Variants in TADA2A observed in about 807,000 individuals in gnomAD.
TADA2A encodes transcriptional adaptor 2A.
A neutral mutation model predicts 67.4 loss-of-function variants in TADA2A; 38 were observed. That is an observed-to-expected ratio of 0.56 (90% CI 0.44 to 0.74). The LOEUF (loss-of-function observed/expected upper bound fraction) is 0.74, where lower values mean the gene tolerates loss of function less well. Ranked by LOEUF, TADA2A falls within the 30% of genes least tolerant of loss-of-function variation. The pLI, the probability that TADA2A is intolerant of heterozygous loss-of-function variation, is 0.00. For missense variants in TADA2A, 454 were observed against 547.0 expected (o/e 0.83, Z 1.70); for synonymous variants, 192 against 181.6 (o/e 1.06, Z -0.46).
chr17:37,459,572 C>T (rs778322474), intron 9 of TADA2A, among the ~76,000 whole-genome samples: 60 of 148,256 alleles, frequency 4.0e-4, no homozygotes, highest in African/African-American at 1.2e-3. Flanking sequence ...CGTGAGCCAC[C>T]GTGTTCAACC....
intron 13 of TADA2A, 29 bp from the exon 14 acceptor site, chr17:37,471,065 T>C: frequency 6.2e-7 from 1 of 1,613,936 alleles, no homozygotes; most frequent in Non-Finnish European, 8.5e-7. Context: ...TGATATGACC[T>C]AAGTTTAAAT....
chr17:37,430,033 A>G (rs1177563093), intron 4 of TADA2A, among the ~76,000 whole-genome samples: 1 of 152,224 alleles, frequency 6.6e-6, no homozygotes. Flanking sequence ...ATTCATTCAC[A>G]TTGTGAAATA....
At chr17:37,448,761 C>T (rs1318413087) in intron 8 of TADA2A, among the ~76,000 whole-genome samples, 3 of 152,198 alleles carry the variant, frequency 2.0e-5, no homozygotes, top group East Asian at 3.8e-4. Context: ...TCTGTGTTTC[C>T]AGTACTTCTC....
At chr17:37,438,589 C>T (rs1295249564) in intron 5 of TADA2A, among the ~76,000 whole-genome samples, 3 of 152,176 alleles carry the variant, frequency 2.0e-5, no homozygotes, top group African/African-American at 4.8e-5. Context: ...TCAGAATAAA[C>T]TCTGCTGCCT....
chr17:37,411,683 G>A (rs2051876709), intron 2 of TADA2A, among the ~76,000 whole-genome samples: 1 of 151,704 alleles, frequency 6.6e-6, no homozygotes, highest in Non-Finnish European at 1.5e-5. Flanking sequence ...ACCCACCTCG[G>A]CCTCCCAAAG....
At chr17:37,466,762 A>G (rs538397085) in intron 11 of TADA2A, among the ~76,000 whole-genome samples, 3 of 152,194 alleles carry the variant, frequency 2.0e-5, no homozygotes, top group African/African-American at 7.2e-5. Context: ...TGGATTGTCC[A>G]GGCTCTTCCT....
intron 10 of TADA2A, among the ~76,000 whole-genome samples, chr17:37,463,953 A>C (rs1031179469): frequency 6.6e-6 from 1 of 151,952 alleles, no homozygotes; most frequent in African/African-American, 2.4e-5. Flanking sequence ...ACTCCGTCTC[A>C]AAAAAAATAA....
chr17:37,420,120 G>A lies in TADA2A; in HGVS notation c.26-3389G>A, dbSNP rs929316758. 4.1e-5 allele frequency among the ~76,000 whole-genome samples: 6 copies of A among 146,532 alleles called. 2 individuals carry two copies. The highest frequency in any genetic ancestry group is 1.4e-4 in the Admixed American group (2 of 14,524). ...TATCTAACAGGAAGTGAGGAAGAGGGTAACTTGGTAGAAGTTGGCACCTGT... is the reference window on the plus strand; with the variant it reads ...TATCTAACAGGAAGTGAGGAAGAGGATAACTTGGTAGAAGTTGGCACCTGT... On this transcript the variant is annotated intron_variant, in intron 2 of 15. Coordinates refer to ENST00000615182, the MANE Select transcript of TADA2A (RefSeq NM_001166105.3).
At chr17:37,450,451 ATGT>A (rs544817185) in intron 8 of TADA2A, 1 of 152,238 alleles carries the variant, frequency 6.6e-6, no homozygotes, top group Non-Finnish European at 1.5e-5. Flanking sequence ...AAACAGAAAC[ATGT>A]TGTTAGCTAT....
intron 3 of TADA2A, 83 bp downstream of exon 3, chr17:37,423,698 C>A: frequency 3.0e-6 from 3 of 1,003,642 alleles, no homozygotes; most frequent in Non-Finnish European, 4.5e-6. Flanking sequence ...CTGTCAACTG[C>A]TAAGGAGATC....
chr17:37,417,998 T>C (rs1375215921), intron 2 of TADA2A, among the ~76,000 whole-genome samples: 1 of 152,222 alleles, frequency 6.6e-6, no homozygotes, highest in Non-Finnish European at 1.5e-5. Flanking sequence ...AAGTACTAGA[T>C]ACTTGAACCC....
intron 2 of TADA2A, among the ~76,000 whole-genome samples, chr17:37,415,169 A>AC (rs1247502696): frequency 6.6e-6 from 1 of 152,142 alleles, no homozygotes; most frequent in Non-Finnish European, 1.5e-5. Flanking sequence ...GGCACAAGCC[A>AC]CCGTGCCTGG....
chr17:37,413,158 C>G (rs879438451), intron 2 of TADA2A, among the ~76,000 whole-genome samples: 3 of 152,112 alleles, frequency 2.0e-5, no homozygotes, highest in Non-Finnish European at 4.4e-5. Context: ...AACTCCTGAC[C>G]TCAGGTGATC....
intron 8 of TADA2A, among the ~76,000 whole-genome samples, chr17:37,453,944 G>T (rs1366143092): frequency 1.1e-4 from 17 of 151,328 alleles, no homozygotes; most frequent in Non-Finnish European, 1.9e-4. Flanking sequence ...CTAATTTTTT[G>T]TATTTTTTAG....
At chr17:37,423,882 T>C (rs2052323851) in intron 3 of TADA2A, among the ~76,000 whole-genome samples, 1 of 151,846 alleles carries the variant, frequency 6.6e-6, no homozygotes, top group South Asian at 2.1e-4. Flanking sequence ...CCTGAGTAGC[T>C]GAGATTACAG....
intron 12 of TADA2A, among the ~76,000 whole-genome samples, chr17:37,469,472 A>G (rs544725032): frequency 6.6e-6 from 1 of 151,970 alleles, no homozygotes; most frequent in African/African-American, 2.4e-5. Flanking sequence ...CGTGTCTACT[A>G]AAAATACAAA....
At chr17:37,421,000 T>C (rs2052215705) in intron 2 of TADA2A, among the ~76,000 whole-genome samples, 1 of 147,000 alleles carries the variant, frequency 6.8e-6, no homozygotes, top group South Asian at 2.2e-4. Context: ...ATTGTACTCC[T>C]TGTCTTCATA....
At position 37,412,274 on chromosome 17, in the gene TADA2A, C is replaced by T. The variant is rs976778400; in HGVS notation, c.25+884C>T. Among the ~76,000 whole-genome samples, 3 of 150,174 alleles carry T rather than the reference C, an allele frequency of 2.0e-5. No homozygotes were observed. In the East Asian group the frequency reaches 5.8e-4, roughly 29 times the overall value. On this transcript the variant is annotated intron_variant, in intron 2 of 15. Transcript: ENST00000615182. ...GATGGACCAGGCATATTCTGATTAACCTGTAGTTAAACCTAGAAAAGCCAT... is the reference window on the plus strand; with the variant it reads ...GATGGACCAGGCATATTCTGATTAATCTGTAGTTAAACCTAGAAAAGCCAT...
chr17:37,469,162 C>G (rs1447671451), intron 12 of TADA2A, among the ~76,000 whole-genome samples: 2 of 151,750 alleles, frequency 1.3e-5, no homozygotes, highest in African/African-American at 4.8e-5. Context: ...CCACCTCAGC[C>G]TCCCAAAGCG....
Sources: allele counts gnomAD v4.1 joint callset (sites outside exome capture counted in the v4.1 genomes callset), GRCh38; gene constraint gnomAD v4.1.1; transcripts MANE v1.5; gene names NCBI Gene and HGNC (gene_info 2026-07-23, HGNC 2026-07-21).